Variants in FAM3C observed in about 807,000 individuals in gnomAD.
FAM3C encodes FAM3 metabolism regulating signaling molecule C.
A neutral mutation model predicts 32.5 loss-of-function variants in FAM3C; 15 were observed. The observed-to-expected ratio is 0.46, with a 90% CI of 0.31 to 0.71. The LOEUF is 0.71. FAM3C is among the 30% of genes least tolerant of loss of function. The pLI is 0.05. For synonymous variants in FAM3C, 75 were observed against 86.1 expected, an observed-to-expected ratio of 0.87 and a Z score of 0.72; for missense variants, 175 against 274.4, an observed-to-expected ratio of 0.64 and a Z score of 2.56.
At chr7:121,393,006 A>T (rs192570540) in intron 1 of FAM3C, among the ~76,000 whole-genome samples, 47 of 152,314 alleles carry the variant, frequency 3.1e-4, no homozygotes, top group Admixed American at 6.5e-4. Context: ...AGATAAATTT[A>T]TGGGGGCAGA....
intron 1 of FAM3C, among the ~76,000 whole-genome samples, chr7:121,394,243 C>T (rs1034602118): frequency 1.3e-5 from 2 of 152,172 alleles, no homozygotes; most frequent in African/African-American, 4.8e-5. Flanking sequence ...TCTTCTGATA[C>T]CCCCTCAGGG....
At chr7:121,351,308 G>C (rs910969609) in intron 8 of FAM3C, 39 bp from the exon 9 acceptor site, 1 of 1,590,764 alleles carries the variant, frequency 6.3e-7, no homozygotes, top group East Asian at 2.2e-5. Context: ...ATAAACAGAG[G>C]GAACTGTATG....
At chr7:121,395,686 T>C (rs1794676276) in intron 1 of FAM3C, among the ~76,000 whole-genome samples, 1 of 152,000 alleles carries the variant, frequency 6.6e-6, no homozygotes, top group African/African-American at 2.4e-5. Context: ...AAACCAAAAG[T>C]ACCTCTAGTA....
intron 8 of FAM3C, among the ~76,000 whole-genome samples, chr7:121,354,144 T>A (rs1314632411): frequency 2.6e-5 from 4 of 152,174 alleles, no homozygotes; most frequent in African/African-American, 9.7e-5. Flanking sequence ...AGCCAGTATT[T>A]AATTGAATAT....
Position 121,366,097 on chromosome 7 carries a change from G to A in FAM3C, c.273-1909C>T, listed in dbSNP as rs890679249. 3.9e-5 allele frequency among the ~76,000 whole-genome samples: 6 copies of A among 152,098 alleles called. No homozygotes were observed. The South Asian group carries it at 6.2e-4, about 16-fold the overall frequency. ...ATTGGAACCTTCATACACTGCTGGC[G>A]GAAATGCAAACAGATGCAGCCACTT... On this transcript the variant is annotated intron_variant, in intron 5 of 9. Transcript: ENST00000359943.
intron 8 of FAM3C, among the ~76,000 whole-genome samples, chr7:121,357,184 C>T (rs1793831100): frequency 6.6e-6 from 1 of 152,082 alleles, no homozygotes; most frequent in African/African-American, 2.4e-5. Flanking sequence ...GCAAAGCAGG[C>T]TCATCATGAT....
chr7:121,371,568 TG>T (rs1480837058), intron 4 of FAM3C, 145 bp from the exon 5 acceptor site: 9 of 899,496 alleles, frequency 1.0e-5, no homozygotes, highest in Non-Finnish European at 1.4e-5. Flanking sequence ...TTTGTTCCCC[TG>T]AGGGTTTCAA....
At chr7:121,382,913 T>C in intron 2 of FAM3C, 44 bp downstream of exon 2, 1 of 1,470,262 alleles carries the variant, frequency 6.8e-7, no homozygotes, top group Non-Finnish European at 9.4e-7. Context: ...AACAAACAGG[T>C]TACACAAAAA....
chr7:121,386,668 T>C (rs1467637388), intron 1 of FAM3C, among the ~76,000 whole-genome samples: 1 of 145,342 alleles, frequency 6.9e-6, no homozygotes, highest in Non-Finnish European at 1.5e-5. Flanking sequence ...GAGCTATATC[T>C]ATACATACAC....
At chr7:121,372,256 A>G in intron 3 of FAM3C, 117 bp from the exon 4 acceptor site, 1 of 618,194 alleles carries the variant, frequency 1.6e-6, no homozygotes, top group Non-Finnish European at 2.9e-6. Context: ...GTATACAATA[A>G]AACATGAATA....
chr7:121,350,613 A>G, intron 9 of FAM3C, 63 bp from the exon 10 acceptor site: 1 of 1,492,998 alleles, frequency 6.7e-7, no homozygotes, highest in Non-Finnish European at 9.3e-7. Context: ...ATTTGCCGTA[A>G]CATTTTACAC....
intron 8 of FAM3C, among the ~76,000 whole-genome samples, chr7:121,356,920 CTCTA>C (rs1793825828): frequency 6.6e-6 from 1 of 152,066 alleles, no homozygotes; most frequent in Non-Finnish European, 1.5e-5. Context: ...GTAAGTTTTT[CTCTA>C]TCTTGTTTTT....
At chr7:121,384,846 T>G (rs10232028) in intron 1 of FAM3C, among the ~76,000 whole-genome samples, 2,845 of 152,276 alleles carry the variant, frequency 0.019, 99 homozygotes, top group African/African-American at 0.065. Context: ...GATTCAAGAA[T>G]CTACATCAGG....
intron 4 of FAM3C, 41 bp from the exon 5 acceptor site, chr7:121,371,464 G>A (rs201173368): frequency 5.0e-6 from 8 of 1,604,442 alleles, no homozygotes; most frequent in East Asian, 2.2e-5. Context: ...TAGAAAACAA[G>A]TTAACAGACT....
chr7:121,359,646 C>T (rs1316861902), intron 8 of FAM3C, among the ~76,000 whole-genome samples: 2 of 151,852 alleles, frequency 1.3e-5, no homozygotes, highest in Non-Finnish European at 2.9e-5. Context: ...ATATAGCACA[C>T]CTGTATCTTT....
chr7:121,367,855 A>G (rs912882751), intron 5 of FAM3C, among the ~76,000 whole-genome samples: 2 of 152,052 alleles, frequency 1.3e-5, no homozygotes, highest in Admixed American at 6.6e-5. Context: ...AGTCCCAGCT[A>G]CTCAGGAGGT....
intron 8 of FAM3C, among the ~76,000 whole-genome samples, chr7:121,358,591 C>T (rs909355113): frequency 1.3e-5 from 2 of 151,940 alleles, no homozygotes; most frequent in African/African-American, 4.8e-5. Context: ...GTGAATGGAA[C>T]AGAACAGAAA....
chr7:121,393,320 T>C (rs746998744), intron 1 of FAM3C, among the ~76,000 whole-genome samples: 1 of 152,106 alleles, frequency 6.6e-6, no homozygotes, highest in Non-Finnish European at 1.5e-5. Context: ...TAGTCGTGTG[T>C]GGTGGCACAT....
chr7:121,394,258 T>C (rs1794640026), intron 1 of FAM3C, among the ~76,000 whole-genome samples: 1 of 152,202 alleles, frequency 6.6e-6, no homozygotes, highest in African/African-American at 2.4e-5. Flanking sequence ...TCAGGGAACA[T>C]TACTTTTTGC....
Sources: gnomAD v4.1 joint callset for allele counts (sites outside exome capture counted in the v4.1 genomes callset) on GRCh38, gnomAD v4.1.1 for gene constraint, MANE v1.5 for transcripts, NCBI Gene and HGNC (gene_info 2026-07-23, HGNC 2026-07-21) for gene names.